The following SH3GL2 variants were observed in gnomAD, a reference collection of about 807,000 sequenced individuals.
The protein encoded by SH3GL2 is endophilin-A1.
Under a neutral mutation model 46.0 loss-of-function variants are expected in SH3GL2, and 24 were observed. The ratio of observed to expected loss-of-function variants is 0.52; its 90% CI spans 0.38 to 0.73. SH3GL2 has a LOEUF of 0.73. SH3GL2 is among the 30% of genes least tolerant of loss of function. The probability of loss-of-function intolerance (pLI) is 0.00; values close to 1 mark genes in which losing one functional copy is unlikely to be tolerated. For synonymous variants in SH3GL2, 196 were observed against 147.1 expected (o/e 1.33, Z -2.40); for missense variants, 413 against 424.2 (o/e 0.97, Z 0.23).
chr9:17,584,132 C>G (rs907643888), intron 1 of SH3GL2, among the ~76,000 whole-genome samples: 1 of 152,116 alleles, frequency 6.6e-6, no homozygotes, highest in Non-Finnish European at 1.5e-5. Flanking sequence ...ATGCATTTTT[C>G]TGAGGGAGAA....
chr9:17,702,648 T>C (rs886097375), intron 1 of SH3GL2, among the ~76,000 whole-genome samples: 2 of 152,056 alleles, frequency 1.3e-5, no homozygotes, highest in African/African-American at 4.8e-5. Flanking sequence ...AAAGAGTCCT[T>C]TTTTCCCTCA....
intron 3 of SH3GL2, among the ~76,000 whole-genome samples, chr9:17,785,749 A>C (rs1823938138): frequency 6.6e-6 from 1 of 152,230 alleles, no homozygotes; most frequent in East Asian, 1.9e-4. Context: ...TCTTTGAGGC[A>C]CAAAACTAAT....
At chr9:17,648,731 C>G (rs1055848975) in intron 1 of SH3GL2, among the ~76,000 whole-genome samples, 2 of 152,140 alleles carry the variant, frequency 1.3e-5, no homozygotes, top group Non-Finnish European at 2.9e-5. Context: ...GTTGGCAGAT[C>G]TCACATAATT....
chr9:17,747,189 T>G, intron 2 of SH3GL2, 55 bp downstream of exon 2: 8 of 1,131,082 alleles, frequency 7.1e-6, no homozygotes, highest in Non-Finnish European at 1.1e-5. Flanking sequence ...TCTACCATAA[T>G]TAGAGGAGAA....
intron 1 of SH3GL2, among the ~76,000 whole-genome samples, chr9:17,743,564 T>C (rs1438408616): frequency 1.6e-5 from 1 of 64,318 alleles, no homozygotes; most frequent in African/African-American, 6.7e-5. Flanking sequence ...CCTCTCTCTT[T>C]TGTGAACACA....
At chr9:17,782,731 T>C (rs1823845857) in intron 3 of SH3GL2, among the ~76,000 whole-genome samples, 1 of 151,992 alleles carries the variant, frequency 6.6e-6, no homozygotes, top group Non-Finnish European at 1.5e-5. Context: ...CCTAAGGGTT[T>C]GAAAAAATGA....
chr9:17,765,163 C>G (rs112848451), intron 3 of SH3GL2, among the ~76,000 whole-genome samples: 6 of 59,020 alleles, frequency 1.0e-4, no homozygotes, highest in South Asian at 9.1e-4. Flanking sequence ...CAGGCCAGGG[C>G]AATCAGTAGG....
chr9:17,763,602 C>T (rs1823238848), intron 3 of SH3GL2, among the ~76,000 whole-genome samples: 1 of 152,162 alleles, frequency 6.6e-6, no homozygotes, highest in Non-Finnish European at 1.5e-5. Context: ...ACCAACTTTG[C>T]CGACACCTTG....
At chr9:17,731,405 G>C (rs555028018) in intron 1 of SH3GL2, among the ~76,000 whole-genome samples, 3 of 151,486 alleles carry the variant, frequency 2.0e-5, no homozygotes, top group African/African-American at 7.3e-5. Flanking sequence ...AGGGAGGGAG[G>C]TGGGGGGAGG....
At chr9:17,764,852 C>T in intron 3 of SH3GL2, among the ~76,000 whole-genome samples, 1 of 26,840 alleles carries the variant, frequency 3.7e-5, no homozygotes. Flanking sequence ...TTTGATGCTT[C>T]AAGGGTACTT....
chr9:17,734,987 C>G (rs373855188), intron 1 of SH3GL2, among the ~76,000 whole-genome samples: 1 of 152,122 alleles, frequency 6.6e-6, no homozygotes, highest in African/African-American at 2.4e-5. Flanking sequence ...GTAATGCATT[C>G]TTCTTTCCCC....
In SH3GL2 at chr9:17,787,390, T is replaced by C; in HGVS notation, c.342T>C (p.Leu114=). The C allele has an allele frequency of 6.2e-7, 1 of 1,612,904 alleles. No individual in the cohort carries two copies. The highest frequency in any genetic ancestry group is 8.5e-7 in the Non-Finnish European group (1 of 1,179,136). The change falls in exon 5 of 9, where the codon CTT becomes CTC. Residue 114 remains leucine, a synonymous_variant. Coordinates refer to ENST00000380607, the MANE Select transcript of SH3GL2 (RefSeq NM_003026.5). Reference sequence around the variant, plus strand: ...TTTATTCTCTCCTAGGCCCAGCACTTGGTGAGGTCGGGGAGGCCATGCGGG... The same window carrying C: ...TTTATTCTCTCCTAGGCCCAGCACTCGGTGAGGTCGGGGAGGCCATGCGGG... ...LGDDCNFGPA[L]GEVGEAMREL... is the part of the protein sequence containing the mutation.
At chr9:17,747,425 A>G (rs1173902612) in intron 2 of SH3GL2, among the ~76,000 whole-genome samples, 3 of 152,166 alleles carry the variant, frequency 2.0e-5, no homozygotes, top group Non-Finnish European at 4.4e-5. Flanking sequence ...TGTTGAGCTG[A>G]TGTTTGAATT....
At chr9:17,692,080 A>G (rs1051244936) in intron 1 of SH3GL2, among the ~76,000 whole-genome samples, 7 of 152,156 alleles carry the variant, frequency 4.6e-5, no homozygotes, top group Non-Finnish European at 8.8e-5. Flanking sequence ...TTGAAATCGT[A>G]AAGTGTTGGA....
At chr9:17,779,838 A>G (rs9298783) in intron 3 of SH3GL2, among the ~76,000 whole-genome samples, 62,179 of 151,964 alleles carry the variant, frequency 0.41, 14,434 homozygotes, top group East Asian at 0.79. Flanking sequence ...AACCACATGG[A>G]TATTGTTAGA....
At chr9:17,602,664 C>A (rs1363840192) in intron 1 of SH3GL2, among the ~76,000 whole-genome samples, 4 of 152,164 alleles carry the variant, frequency 2.6e-5, no homozygotes, top group Non-Finnish European at 5.9e-5. Context: ...AAAACGCTAA[C>A]AAGACAGTTG....
chr9:17,664,493 G>C (rs1440184214), intron 1 of SH3GL2, among the ~76,000 whole-genome samples: 1 of 152,000 alleles, frequency 6.6e-6, no homozygotes, highest in Non-Finnish European at 1.5e-5. Context: ...TAATGATCTT[G>C]AGCTCACATG....
chr9:17,738,641 T>TATATATATATAGAGAGAG lies in SH3GL2; in HGVS notation c.46-8424_46-8423insTATATATATAGAGAGAGA, dbSNP rs376280314. On this transcript the variant is annotated intron_variant, in intron 1 of 8. Coordinates refer to ENST00000380607, the MANE Select transcript of SH3GL2 (RefSeq NM_003026.5). ...TCATGTGATTTTATATATATATATA[T>TATATATATATAGAGAGAG]AGAGAGAGAGAGAGAGAGAGAGAGA... Among the ~76,000 whole-genome samples the TATATATATATAGAGAGAG allele has an allele frequency of 7.1e-4, 63 of 88,866 alleles. 4 individuals are homozygous for TATATATATATAGAGAGAG. Among genetic ancestry groups the TATATATATATAGAGAGAG allele is most frequent in the East Asian group, 4.1e-3 (10 of 2,454 alleles). The allele number at this position is 88,866 out of a possible 152,430, so 58.3% of individuals were successfully genotyped here. A position where few individuals can be genotyped will look rare whatever the true frequency, so the allele number is the denominator to read the frequency against.
intron 1 of SH3GL2, among the ~76,000 whole-genome samples, chr9:17,625,192 T>C (rs1212368706): frequency 2.0e-5 from 3 of 152,176 alleles, no homozygotes; most frequent in Non-Finnish European, 4.4e-5. Flanking sequence ...CCTTTAACAT[T>C]GGTTCATCCT....
Sources: allele counts gnomAD v4.1 joint callset (sites outside exome capture counted in the v4.1 genomes callset), GRCh38; gene constraint gnomAD v4.1.1; transcripts MANE v1.5; gene names NCBI Gene and HGNC (gene_info 2026-07-23, HGNC 2026-07-21).